Variants in SKIC8 observed in about 807,000 individuals in gnomAD.
SKIC8 encodes superkiller complex protein 8.
At chr15:78,291,393 T>C in the SKIC8 span, among the ~76,000 whole-genome samples, 1 of 152,142 alleles carries the variant, frequency 6.6e-6, no homozygotes, top group African/African-American at 2.4e-5. Context: ...CTTTGCAGGA[T>C]AGTTTGGGGA....
At chr15:78,294,773 TTG>T in the SKIC8 span, 6 of 441,598 alleles carry the variant, frequency 1.4e-5, no homozygotes, top group Non-Finnish European at 1.1e-5. Context: ...CAGGTTTTTG[TTG>T]TTGTTGTTGT....
chr15:78,285,505 G>T, the SKIC8 span: 4 of 618,804 alleles, frequency 6.5e-6, no homozygotes, highest in Non-Finnish European at 8.6e-6. Flanking sequence ...TCCTCACAGG[G>T]TAGCCATTTT....
chr15:78,284,361 C>T, the SKIC8 span: 2 of 151,968 alleles, frequency 1.3e-5, no homozygotes, highest in Non-Finnish European at 2.9e-5. Flanking sequence ...TTTGTTGGGA[C>T]AATTTAAGTT....
chr15:78,292,452 G>C, the SKIC8 span: 1 of 713,956 alleles, frequency 1.4e-6, no homozygotes, highest in Non-Finnish European at 2.3e-6. Context: ...TTACAGTGCT[G>C]TTTCCAGCCC....
chr15:78,286,184 A>G, the SKIC8 span: 1 of 1,501,282 alleles, frequency 6.7e-7, no homozygotes, highest in Non-Finnish European at 9.2e-7. Flanking sequence ...TCTACAGTAT[A>G]ATCACTGAAG....
the SKIC8 span, chr15:78,289,864 A>AAGAC: frequency 6.4e-7 from 1 of 1,570,068 alleles, no homozygotes. Flanking sequence ...TGACCAGACC[A>AAGAC]AGACAGAATC....
the SKIC8 span, chr15:78,289,879 G>A: frequency 6.3e-7 from 1 of 1,576,888 alleles, no homozygotes; most frequent in Non-Finnish European, 8.6e-7. Flanking sequence ...AGAATCTGTG[G>A]CAAGGACTGC....
the SKIC8 span, chr15:78,293,339 T>G: frequency 3.6e-6 from 5 of 1,386,134 alleles, no homozygotes; most frequent in South Asian, 1.2e-5. Flanking sequence ...GAGATACTGT[T>G]CAACAATTGT....
the SKIC8 span, chr15:78,293,109 G>T: frequency 6.6e-7 from 1 of 1,504,740 alleles, no homozygotes; most frequent in Non-Finnish European, 9.2e-7. Flanking sequence ...GGAGAGTTCA[G>T]AAGCAAAACC....
the SKIC8 span, chr15:78,295,852 G>A: frequency 1.4e-6 from 1 of 734,058 alleles, no homozygotes; most frequent in Non-Finnish European, 2.1e-6. Flanking sequence ...CCCTTCTATG[G>A]ATCAGTCCCT....
At chr15:78,295,312 A>G in the SKIC8 span, 3 of 556,928 alleles carry the variant, frequency 5.4e-6, no homozygotes, top group South Asian at 6.4e-5. Context: ...AGCTGCAATA[A>G]GAACACACAG....
chr15:78,294,902 AG>A, the SKIC8 span: 1 of 1,613,458 alleles, frequency 6.2e-7, no homozygotes, highest in Admixed American at 1.7e-5. Flanking sequence ...GGGACAACAC[AG>A]TTTTTTTCAC....
the SKIC8 span, among the ~76,000 whole-genome samples, chr15:78,287,815 C>T: frequency 2.0e-5 from 3 of 152,056 alleles, no homozygotes; most frequent in Non-Finnish European, 4.4e-5. Context: ...AGTCAAGGGC[C>T]AAAACCAAAA....
chr15:78,293,195 G>A, the SKIC8 span: 4 of 1,614,088 alleles, frequency 2.5e-6, no homozygotes, highest in Non-Finnish European at 3.4e-6. Flanking sequence ...AGGTCATCTA[G>A]GGAGCCTGTG....
chr15:78,294,849 T>C, the SKIC8 span: 1 of 1,469,852 alleles, frequency 6.8e-7, no homozygotes, highest in Non-Finnish European at 9.5e-7. Context: ...TGAGTATACT[T>C]GAAAACTGCA....
chr15:78,285,300 C>T, the SKIC8 span: 16 of 1,614,216 alleles, frequency 9.9e-6, no homozygotes, highest in African/African-American at 1.3e-5. Context: ...CACAAGTCCT[C>T]GTTCCAACAT....
At chr15:78,286,232 C>T in the SKIC8 span, 2 of 980,100 alleles carry the variant, frequency 2.0e-6, no homozygotes, top group Non-Finnish European at 3.1e-6. Context: ...TAAGCTGGAC[C>T]AAATCTGCTA....
At chr15:78,287,481 T>G in the SKIC8 span, among the ~76,000 whole-genome samples, 1 of 152,138 alleles carries the variant, frequency 6.6e-6, no homozygotes, top group South Asian at 2.1e-4. Flanking sequence ...AGGACACACA[T>G]GGATGGTCAG....
chr15:78,287,739 G>A, the SKIC8 span, among the ~76,000 whole-genome samples: 62 of 152,234 alleles, frequency 4.1e-4, no homozygotes, highest in Admixed American at 3.3e-3. Flanking sequence ...AAGACATAGG[G>A]GTCCGCACAG....
Sources: gnomAD v4.1 joint callset for allele counts (sites outside exome capture counted in the v4.1 genomes callset) on GRCh38, gnomAD v4.1.1 for gene constraint, MANE v1.5 for transcripts, NCBI Gene and HGNC (gene_info 2026-07-23, HGNC 2026-07-21) for gene names.